NRG3: variants seen among roughly 807,000 people sequenced by gnomAD.
NRG3 encodes neuregulin 3.
In NRG3, 31 loss-of-function variants were observed where a neutral mutation model predicts 66.9. That is an observed-to-expected ratio of 0.46 (90% CI 0.35 to 0.63). NRG3 has a LOEUF of 0.63. Ranked by LOEUF, NRG3 falls within the 20% of genes least tolerant of loss-of-function variation. The pLI, the probability that NRG3 is intolerant of heterozygous loss-of-function variation, is 0.00. For synonymous variants in NRG3, 393 were observed against 359.4 expected (o/e 1.09, Z -1.06); for missense variants, 910 against 878.9 (o/e 1.04, Z -0.45).
Position 82,959,607 on chromosome 10 carries a change from A to C in NRG3, c.1284+532A>C, listed in dbSNP as rs889491114. Among the ~76,000 whole-genome samples, 7 of 152,304 alleles carry C rather than the reference A, an allele frequency of 4.6e-5. No homozygotes were observed. The South Asian group carries it at 1.0e-3, about 23-fold the overall frequency. On this transcript the variant is annotated intron_variant, in intron 6 of 8. Transcript: ENST00000372141. Reference sequence around the variant, plus strand: ...TTTGGAAGGATATGAAAAGTTCTATAGAGAGTCAAAGGGCTAAGAGCTAGA... The same window carrying C: ...TTTGGAAGGATATGAAAAGTTCTATCGAGAGTCAAAGGGCTAAGAGCTAGA...
chr10:82,119,002 C>A (rs1179913762), intron 1 of NRG3, among the ~76,000 whole-genome samples: 1 of 152,130 alleles, frequency 6.6e-6, no homozygotes, highest in Non-Finnish European at 1.5e-5. Flanking sequence ...TTGTGAATTT[C>A]TTTTTAATTT....
chr10:82,215,346 T>C (rs149500151), intron 1 of NRG3, among the ~76,000 whole-genome samples: 3 of 152,360 alleles, frequency 2.0e-5, no homozygotes, highest in African/African-American at 4.8e-5. Context: ...GATGCTATTC[T>C]AGTTTTAATC....
chr10:82,290,404 T>A, intron 1 of NRG3, among the ~76,000 whole-genome samples: 1 of 152,196 alleles, frequency 6.6e-6, no homozygotes, highest in Admixed American at 6.5e-5. Context: ...ATTGTCCACA[T>A]TATATATTTG....
In NRG3 at chr10:81,919,651, C is replaced by T. The variant is rs190511340; in HGVS notation, c.823+43488C>T. On this transcript the variant is annotated intron_variant, in intron 1 of 8. Coordinates refer to ENST00000372141, the MANE Select transcript of NRG3 (RefSeq NM_001010848.4). ...AATTTCATTGCCAACATGGACATGGCAAATGACAGGTTCCCCCAAAAATTA... is the reference window on the plus strand; with the variant it reads ...AATTTCATTGCCAACATGGACATGGTAAATGACAGGTTCCCCCAAAAATTA... 3.7e-4 allele frequency among the ~76,000 whole-genome samples: 56 copies of T among 152,180 alleles called. No individual in the cohort carries two copies. The East Asian group carries it at 6.8e-3, about 18-fold the overall frequency.
intron 1 of NRG3, among the ~76,000 whole-genome samples, chr10:81,978,942 G>T (rs929960334): frequency 6.6e-6 from 1 of 152,102 alleles, no homozygotes; most frequent in Non-Finnish European, 1.5e-5. Flanking sequence ...TGTAATCCCA[G>T]CACTTTGGGA....
At chr10:82,396,656 G>A (rs190441873) in intron 2 of NRG3, among the ~76,000 whole-genome samples, 57 of 152,290 alleles carry the variant, frequency 3.7e-4, no homozygotes, top group Non-Finnish European at 2.9e-5. Context: ...TGAAGAGCTA[G>A]CAAAGAAGTT....
intron 1 of NRG3, among the ~76,000 whole-genome samples, chr10:82,172,305 A>C (rs1359970078): frequency 6.6e-6 from 1 of 152,102 alleles, no homozygotes; most frequent in Non-Finnish European, 1.5e-5. Context: ...TGTTGTCTAA[A>C]AGGCTAAGAA....
At chr10:82,130,407 G>GT (rs138802966) in intron 1 of NRG3, among the ~76,000 whole-genome samples, 6,515 of 151,920 alleles carry the variant, frequency 0.043, 305 homozygotes, top group African/African-American at 0.12. Flanking sequence ...GCCCCAGTGT[G>GT]TGATGTTCCC....
intron 2 of NRG3, among the ~76,000 whole-genome samples, chr10:82,660,781 G>A: frequency 6.6e-6 from 1 of 151,822 alleles, no homozygotes; most frequent in East Asian, 1.9e-4. Context: ...AATATATTTT[G>A]CTTACGGTTC....
chr10:82,595,552 G>A (rs1218415348), intron 2 of NRG3, among the ~76,000 whole-genome samples: 6 of 152,086 alleles, frequency 3.9e-5, no homozygotes, highest in Admixed American at 2.6e-4. Flanking sequence ...TTGGGAGGCC[G>A]AGGCAGGTGG....
chr10:82,508,733 C>A (rs1844898622), intron 2 of NRG3, among the ~76,000 whole-genome samples: 1 of 152,030 alleles, frequency 6.6e-6, no homozygotes, highest in South Asian at 2.1e-4. Flanking sequence ...AACTGTTGAA[C>A]CAAGTGGGAT....
chr10:82,041,590 C>T (rs892490772), intron 1 of NRG3, among the ~76,000 whole-genome samples: 3 of 151,994 alleles, frequency 2.0e-5, no homozygotes, highest in African/African-American at 4.8e-5. Context: ...CATATTTTCC[C>T]TCATAATCAG....
chr10:82,147,912 A>G lies in NRG3; in HGVS notation c.824-210827A>G, dbSNP rs141426066. Among the ~76,000 whole-genome samples, 779 of 152,254 alleles carry G rather than the reference A, an allele frequency of 5.1e-3. 8 individuals carry two copies. Among genetic ancestry groups the G allele is most frequent in the African/African-American group, 0.018 (738 of 41,548 alleles). ...ACCCAAATAGGCTTTACCTATATTA[A>G]TGATTGTTGCTGGGCTCTTCGACAA... On this transcript the variant is annotated intron_variant, in intron 1 of 8. Coordinates refer to ENST00000372141, the MANE Select transcript of NRG3 (RefSeq NM_001010848.4).
intron 1 of NRG3, among the ~76,000 whole-genome samples, chr10:82,355,737 A>G (rs2083733581): frequency 6.6e-6 from 1 of 152,188 alleles, no homozygotes. Flanking sequence ...TCACCTCATG[A>G]TGAATTACAC....
At chr10:82,164,492 C>T (rs1228999791) in intron 1 of NRG3, among the ~76,000 whole-genome samples, 40 of 152,132 alleles carry the variant, frequency 2.6e-4, no homozygotes, top group Non-Finnish European at 4.4e-5. Flanking sequence ...TAACCAACCC[C>T]TCTTTATCAC....
At chr10:81,879,857 A>G (rs771200876) in intron 1 of NRG3, among the ~76,000 whole-genome samples, 76 of 152,194 alleles carry the variant, frequency 5.0e-4, no homozygotes, top group Middle Eastern at 3.2e-3. Context: ...GCAGCCTCAG[A>G]TATAATTTGT....
At chr10:82,315,670 T>G (rs182295680) in intron 1 of NRG3, among the ~76,000 whole-genome samples, 5 of 149,538 alleles carry the variant, frequency 3.3e-5, no homozygotes, top group Admixed American at 1.3e-4. Flanking sequence ...GTTTGTTGTT[T>G]TTTTTTTTTT....
At chr10:82,545,300 AATT>A (rs1377439441) in intron 2 of NRG3, among the ~76,000 whole-genome samples, 12 of 152,064 alleles carry the variant, frequency 7.9e-5, no homozygotes, top group Admixed American at 7.9e-4. Flanking sequence ...ATATTTCTTA[AATT>A]ATTATTATAA....
intron 2 of NRG3, among the ~76,000 whole-genome samples, chr10:82,532,620 TAG>T (rs527964168): frequency 2.7e-5 from 4 of 148,830 alleles, no homozygotes; most frequent in South Asian, 2.1e-4. Context: ...TAGTACTATA[TAG>T]AGAGAGTACT....
Sources: allele counts gnomAD v4.1 joint callset (sites outside exome capture counted in the v4.1 genomes callset), GRCh38; gene constraint gnomAD v4.1.1; transcripts MANE v1.5; gene names NCBI Gene and HGNC (gene_info 2026-07-23, HGNC 2026-07-21).